PTPRG: variants seen among roughly 807,000 people sequenced by gnomAD.
PTPRG encodes protein tyrosine phosphatase receptor type G.
A neutral mutation model predicts 165.3 loss-of-function variants in PTPRG; 102 were observed. The observed-to-expected ratio is 0.62, with a 90% CI of 0.53 to 0.73. The LOEUF (loss-of-function observed/expected upper bound fraction) is 0.73. Among genes scored for constraint, PTPRG ranks in the 30% least tolerant of loss-of-function variants. PTPRG has a pLI of 0.00. For missense variants in PTPRG, 1,866 were observed against 1,861.4 expected (o/e 1.00, Z -0.05); for synonymous variants, 675 against 669.5 (o/e 1.01, Z -0.13).
intron 5 of PTPRG, among the ~76,000 whole-genome samples, chr3:62,130,767 T>A (rs957072630): frequency 1.3e-5 from 2 of 152,202 alleles, no homozygotes; most frequent in African/African-American, 4.8e-5. Flanking sequence ...ACAAATACGA[T>A]GTTTCTTCTA....
intron 2 of PTPRG, among the ~76,000 whole-genome samples, chr3:61,857,730 T>G (rs2037152268): frequency 6.6e-6 from 1 of 152,204 alleles, no homozygotes; most frequent in African/African-American, 2.4e-5. Flanking sequence ...TTTATTAGTA[T>G]GCTGATGTTG....
At chr3:62,133,564 C>T (rs1703595850) in intron 6 of PTPRG, among the ~76,000 whole-genome samples, 1 of 152,174 alleles carries the variant, frequency 6.6e-6, no homozygotes, top group African/African-American at 2.4e-5. Flanking sequence ...TCAATTGGAG[C>T]AAGTAGGATT....
At chr3:61,788,322 T>G (rs1247507333) in intron 2 of PTPRG, among the ~76,000 whole-genome samples, 1 of 152,192 alleles carries the variant, frequency 6.6e-6, no homozygotes, top group African/African-American at 2.4e-5. Flanking sequence ...GGAACTAATT[T>G]TATTGAGTTA....
rs573096701 is a variant in PTPRG at position 61,871,402 on chromosome 3, A to C, written c.191-118223A>C. On this transcript the variant is annotated intron_variant, in intron 2 of 29. Transcript: ENST00000474889. Reference sequence around the variant, plus strand: ...TCACCACATCTAGCTAATTAAAAAAAATTTTTTTTTGGAGAGATGGGGTCT... The same window carrying C: ...TCACCACATCTAGCTAATTAAAAAACATTTTTTTTTGGAGAGATGGGGTCT... Among the ~76,000 whole-genome samples the C allele has an allele frequency of 2.5e-3, 381 of 152,048 alleles. 1 individual carries two copies. The highest frequency in any genetic ancestry group is 8.4e-3 in the African/African-American group (347 of 41,448).
intron 7 of PTPRG, among the ~76,000 whole-genome samples, chr3:62,157,785 G>T (rs1576075211): frequency 1.3e-5 from 2 of 152,300 alleles, no homozygotes; most frequent in Non-Finnish European, 2.9e-5. Context: ...GTTCAGAAAA[G>T]AAAGAGATTT....
chr3:61,763,173 C>T (rs898423058), intron 2 of PTPRG, among the ~76,000 whole-genome samples: 7 of 152,012 alleles, frequency 4.6e-5, no homozygotes, highest in South Asian at 2.1e-4. Flanking sequence ...GGATCTACCC[C>T]GAAGTAGAGG....
chr3:61,852,906 G>A (rs903569131), intron 2 of PTPRG, among the ~76,000 whole-genome samples: 5 of 152,202 alleles, frequency 3.3e-5, no homozygotes, highest in African/African-American at 9.6e-5. Context: ...AAAGCTGGAC[G>A]TCTCAAAGAC....
At chr3:62,016,641 A>G (rs2041550846) in intron 4 of PTPRG, among the ~76,000 whole-genome samples, 1 of 151,894 alleles carries the variant, frequency 6.6e-6, no homozygotes, top group Admixed American at 6.6e-5. Context: ...TTCACAATCC[A>G]CTCTTTATCC....
At chr3:61,842,823 C>G (rs539115724) in intron 2 of PTPRG, among the ~76,000 whole-genome samples, 39 of 152,178 alleles carry the variant, frequency 2.6e-4, no homozygotes, top group African/African-American at 9.4e-4. Flanking sequence ...AGACTTGGTC[C>G]CTGAATGACA....
At chr3:61,677,284 T>C (rs934639328) in intron 1 of PTPRG, among the ~76,000 whole-genome samples, 12 of 151,852 alleles carry the variant, frequency 7.9e-5, no homozygotes, top group Admixed American at 1.3e-4. Flanking sequence ...CCTCTTCTTA[T>C]GTATGTTTAG....
chr3:62,193,282 A>G lies in PTPRG; in HGVS notation c.1218+1629A>G, dbSNP rs1056413876. Among the ~76,000 whole-genome samples the G allele has an allele frequency of 2.0e-5, 3 of 152,346 alleles. No homozygotes were observed. In the East Asian group the frequency reaches 5.8e-4, roughly 29 times the overall value. On this transcript the variant is annotated intron_variant, in intron 9 of 29. Transcript: ENST00000474889. Reference sequence around the variant, plus strand: ...GGAGTGAATTCTAATAAATCCCTGCATAGATGGAGTGAAGATTTCGCTCTG... The same window carrying G: ...GGAGTGAATTCTAATAAATCCCTGCGTAGATGGAGTGAAGATTTCGCTCTG...
chr3:62,185,733 G>A (rs552718560), intron 8 of PTPRG, among the ~76,000 whole-genome samples: 39 of 152,328 alleles, frequency 2.6e-4, no homozygotes, highest in East Asian at 5.8e-4. Flanking sequence ...TTAACACTGT[G>A]TGGGCCATAG....
At chr3:61,665,552 A>G (rs905757002) in intron 1 of PTPRG, among the ~76,000 whole-genome samples, 51 of 151,912 alleles carry the variant, frequency 3.4e-4, no homozygotes, top group Non-Finnish European at 3.1e-4. Context: ...GGTTCTGGTA[A>G]AAGGGTTCAT....
intron 2 of PTPRG, among the ~76,000 whole-genome samples, chr3:61,865,515 C>T (rs1466756076): frequency 6.6e-6 from 1 of 152,168 alleles, no homozygotes; most frequent in African/African-American, 2.4e-5. Flanking sequence ...ACCAACTGTG[C>T]ATCATTCCCT....
intron 2 of PTPRG, among the ~76,000 whole-genome samples, chr3:61,927,905 T>C (rs948858453): frequency 4.6e-5 from 7 of 152,108 alleles, no homozygotes; most frequent in African/African-American, 1.7e-4. Flanking sequence ...TTCCCCCCTT[T>C]CCAGGTGAGG....
chr3:62,171,492 C>G (rs561174135), intron 8 of PTPRG, among the ~76,000 whole-genome samples: 2 of 152,050 alleles, frequency 1.3e-5, no homozygotes, highest in South Asian at 2.1e-4. Context: ...TTTATACTTG[C>G]GCAGCCATCA....
chr3:61,990,002 T>A (rs958934676), intron 3 of PTPRG, among the ~76,000 whole-genome samples, 198 bp downstream of exon 3: 37 of 152,180 alleles, frequency 2.4e-4, no homozygotes, highest in Middle Eastern at 3.4e-3. Context: ...TTCATTTTTT[T>A]AAAAATATAA....
At position 61,788,411 on chromosome 3, in the gene PTPRG, A is replaced by G. The variant is rs571348976; in HGVS notation, c.190+39429A>G. Among the ~76,000 whole-genome samples the G allele has an allele frequency of 5.9e-5, 9 of 152,236 alleles. 1 individual carries two copies. The highest frequency in any genetic ancestry group is 2.0e-4 in the Admixed American group (3 of 15,280). On this transcript the variant is annotated intron_variant, in intron 2 of 29. Coordinates refer to ENST00000474889, the MANE Select transcript of PTPRG (RefSeq NM_002841.4). ...ACAAGATCTACTAGCACGTATAACAACTATCATAATATTAAAGTTGTCATG... is the reference window on the plus strand; with the variant it reads ...ACAAGATCTACTAGCACGTATAACAGCTATCATAATATTAAAGTTGTCATG...
intron 2 of PTPRG, among the ~76,000 whole-genome samples, chr3:61,882,596 A>G (rs1241580534): frequency 6.6e-6 from 1 of 152,180 alleles, no homozygotes; most frequent in Admixed American, 6.5e-5. Flanking sequence ...GCATACTTCC[A>G]TGAATGTCAA....
Sources: allele counts gnomAD v4.1 joint callset (sites outside exome capture counted in the v4.1 genomes callset), GRCh38; gene constraint gnomAD v4.1.1; transcripts MANE v1.5; gene names NCBI Gene and HGNC (gene_info 2026-07-23, HGNC 2026-07-21).